The following SH3RF3 variants were observed in gnomAD, a reference collection of about 807,000 sequenced individuals.
SH3RF3 encodes the protein E3 ubiquitin-protein ligase SH3RF3.
In SH3RF3, 29 loss-of-function variants were observed where a neutral mutation model predicts 66.3. The ratio of observed to expected loss-of-function variants is 0.44; its 90% CI spans 0.33 to 0.60. The LOEUF (loss-of-function observed/expected upper bound fraction) is 0.60, where lower values mean the gene tolerates loss of function less well. SH3RF3 is among the 20% of genes least tolerant of loss of function. SH3RF3 has a pLI of 0.04. For missense variants in SH3RF3, 1,194 were observed against 1,190.9 expected (o/e 1.00, Z -0.04); for synonymous variants, 583 against 532.0 (o/e 1.10, Z -1.32).
intron 1 of SH3RF3, among the ~76,000 whole-genome samples, chr2:109,282,985 C>T (rs560770034): frequency 3.9e-5 from 6 of 152,114 alleles, no homozygotes; most frequent in Non-Finnish European, 7.4e-5. Flanking sequence ...TACTCCCTCA[C>T]GTGGAGGAAG....
intron 1 of SH3RF3, among the ~76,000 whole-genome samples, chr2:109,311,156 G>A (rs2105426784): frequency 1.7e-4 from 1 of 5,974 alleles, no homozygotes; most frequent in East Asian, 6.3e-3. Flanking sequence ...GATCAAGTGG[G>A]CTTCATCCCT....
At chr2:109,484,429 G>A (rs954399128) in intron 8 of SH3RF3, among the ~76,000 whole-genome samples, 9 of 152,048 alleles carry the variant, frequency 5.9e-5, no homozygotes, top group African/African-American at 9.6e-5. Context: ...ACTCTGGCCC[G>A]CACCTGCTTT....
At chr2:109,449,571 T>G in intron 8 of SH3RF3, 82 bp downstream of exon 8, 1 of 1,493,822 alleles carries the variant, frequency 6.7e-7, no homozygotes. Context: ...GCAGTGGCAT[T>G]TGTGCAATTG....
At chr2:109,238,071 T>G (rs1679688943) in intron 1 of SH3RF3, among the ~76,000 whole-genome samples, 1 of 152,184 alleles carries the variant, frequency 6.6e-6, no homozygotes, top group African/African-American at 2.4e-5. Context: ...CCAAGCATGG[T>G]GGCATCTGCC....
intron 1 of SH3RF3, among the ~76,000 whole-genome samples, chr2:109,206,365 C>G (rs1003263037): frequency 1.3e-5 from 2 of 151,808 alleles, no homozygotes; most frequent in African/African-American, 4.8e-5. Flanking sequence ...GTGGAGGGCA[C>G]CTGTAGTCCC....
chr2:109,200,225 G>A (rs1029605074), intron 1 of SH3RF3, among the ~76,000 whole-genome samples: 3 of 151,994 alleles, frequency 2.0e-5, no homozygotes, highest in Admixed American at 1.3e-4. Context: ...CTGCAGAGTC[G>A]CCAGAGGGGC....
chr2:109,366,802 G>C (rs1683159332), intron 2 of SH3RF3, among the ~76,000 whole-genome samples: 2 of 152,200 alleles, frequency 1.3e-5, no homozygotes, highest in South Asian at 4.1e-4. Flanking sequence ...GCAGTGAGCT[G>C]TGATTGTGCC....
At chr2:109,286,339 T>C (rs1681029962) in intron 1 of SH3RF3, among the ~76,000 whole-genome samples, 1 of 152,220 alleles carries the variant, frequency 6.6e-6, no homozygotes, top group Admixed American at 6.5e-5. Context: ...GAAGGTGTGC[T>C]GCCCACGCAG....
At chr2:109,377,526 C>A (rs1015758628) in intron 3 of SH3RF3, among the ~76,000 whole-genome samples, 3 of 152,144 alleles carry the variant, frequency 2.0e-5, no homozygotes, top group African/African-American at 7.2e-5. Flanking sequence ...ATGCTTGTGC[C>A]TTAGTTGGTT....
At chr2:109,178,878 A>G (rs1333455207) in intron 1 of SH3RF3, among the ~76,000 whole-genome samples, 1 of 152,200 alleles carries the variant, frequency 6.6e-6, no homozygotes, top group Non-Finnish European at 1.5e-5. Flanking sequence ...TTAAATGATG[A>G]CTTCATGGAA....
chr2:109,362,057 G>A (rs1360756476), intron 2 of SH3RF3, among the ~76,000 whole-genome samples: 8 of 151,374 alleles, frequency 5.3e-5, no homozygotes, highest in Admixed American at 3.3e-4. Flanking sequence ...TTTCTCTATT[G>A]TTTTCAATTT....
chr2:109,186,825 C>T (rs1289677395), intron 1 of SH3RF3, among the ~76,000 whole-genome samples: 1 of 152,194 alleles, frequency 6.6e-6, no homozygotes, highest in Non-Finnish European at 1.5e-5. Flanking sequence ...CAGCACCAGC[C>T]TCACCTCCCC....
At chr2:109,158,989 C>T (rs1213629412) in intron 1 of SH3RF3, among the ~76,000 whole-genome samples, 6 of 152,172 alleles carry the variant, frequency 3.9e-5, no homozygotes, top group African/African-American at 9.6e-5. Context: ...TGGTGGCACA[C>T]GCCTGTAATC....
At chr2:109,313,099 C>A (rs1173541272) in intron 1 of SH3RF3, among the ~76,000 whole-genome samples, 1 of 152,170 alleles carries the variant, frequency 6.6e-6, no homozygotes, top group Non-Finnish European at 1.5e-5. Context: ...AGGTGGTGCT[C>A]CTGGCTCACA....
intron 2 of SH3RF3, among the ~76,000 whole-genome samples, chr2:109,356,191 C>T (rs575846303): frequency 1.3e-5 from 2 of 152,232 alleles, no homozygotes; most frequent in Admixed American, 6.5e-5. Context: ...TGGCTGACTT[C>T]CTGCACCCCA....
At position 109,260,220 on chromosome 2, in the gene SH3RF3, G is replaced by A. The variant is rs1350408849; in HGVS notation, c.574-87454G>A. Among the ~76,000 whole-genome samples, 3 of 152,248 alleles carry A rather than the reference G, an allele frequency of 2.0e-5. No homozygotes were observed. The South Asian group carries it at 6.2e-4, about 32-fold the overall frequency. ...TGCACTACTGATGGTTGGCAGCCCT[G>A]TGATTTACCGTCCTCTCCCTAGTGG... On this transcript the variant is annotated intron_variant, in intron 1 of 9. Transcript: ENST00000309415.
intron 1 of SH3RF3, among the ~76,000 whole-genome samples, chr2:109,167,304 A>G (rs1010840532): frequency 4.6e-5 from 7 of 152,226 alleles, no homozygotes; most frequent in African/African-American, 1.4e-4. Context: ...GATGCGGTAG[A>G]ACCAATTAGA....
chr2:109,473,530 AG>A (rs1250091446), intron 8 of SH3RF3, among the ~76,000 whole-genome samples: 1 of 152,222 alleles, frequency 6.6e-6, no homozygotes, highest in African/African-American at 2.4e-5. Context: ...CCAGGGTTAG[AG>A]CGACAGAGAG....
At chr2:109,217,601 T>C (rs147574922) in intron 1 of SH3RF3, among the ~76,000 whole-genome samples, 1 of 152,348 alleles carries the variant, frequency 6.6e-6, no homozygotes, top group Non-Finnish European at 1.5e-5. Flanking sequence ...GCATGTGTTA[T>C]AAACAGAATC....
Sources: gnomAD v4.1 joint callset for allele counts (sites outside exome capture counted in the v4.1 genomes callset) on GRCh38, gnomAD v4.1.1 for gene constraint, MANE v1.5 for transcripts, NCBI Gene and HGNC (gene_info 2026-07-23, HGNC 2026-07-21) for gene names.